Variants in MAP3K20 observed in about 807,000 individuals in gnomAD.
MAP3K20 encodes HCCS-4.
Under a neutral mutation model 85.7 loss-of-function variants are expected in MAP3K20, and 40 were observed. The ratio of observed to expected loss-of-function variants is 0.47; its 90% CI spans 0.36 to 0.61. The LOEUF is 0.61. Ranked by LOEUF, MAP3K20 falls within the 20% of genes least tolerant of loss-of-function variation. The probability of loss-of-function intolerance (pLI) is 0.00; values close to 1 mark genes in which losing one functional copy is unlikely to be tolerated. For synonymous variants in MAP3K20, 325 were observed against 327.7 expected (o/e 0.99, Z 0.09); for missense variants, 817 against 961.7 (o/e 0.85, Z 1.99).
chr2:173,105,953 A>T (rs867297164), intron 2 of MAP3K20, among the ~76,000 whole-genome samples: 12 of 152,258 alleles, frequency 7.9e-5, no homozygotes, highest in African/African-American at 2.9e-4. Context: ...TTCTATTTAT[A>T]GAAAAATGAA....
chr2:173,260,366 T>G (rs1685260129), intron 17 of MAP3K20, among the ~76,000 whole-genome samples: 1 of 152,164 alleles, frequency 6.6e-6, no homozygotes, highest in Admixed American at 6.6e-5. Context: ...AGACTCAGTC[T>G]CAAAGAAAAC....
chr2:173,215,906 T>C (rs1377078682), intron 10 of MAP3K20: 2 of 152,192 alleles, frequency 1.3e-5, no homozygotes, highest in South Asian at 2.1e-4. Context: ...CTACCTTCCA[T>C]AGTCAACGTC....
intron 2 of MAP3K20, among the ~76,000 whole-genome samples, chr2:173,110,398 C>T (rs1266449527): frequency 6.7e-6 from 1 of 149,762 alleles, no homozygotes; most frequent in Non-Finnish European, 1.5e-5. Flanking sequence ...GGACTATAGG[C>T]ACATGCCACC....
chr2:173,216,408 C>T (rs1325839102), intron 10 of MAP3K20, among the ~76,000 whole-genome samples: 1 of 152,052 alleles, frequency 6.6e-6, no homozygotes, highest in African/African-American at 2.4e-5. Context: ...TTACTCGGGT[C>T]TTTTATAAAA....
chr2:173,083,621 C>T (rs1021883204), intron 1 of MAP3K20, among the ~76,000 whole-genome samples: 1 of 152,170 alleles, frequency 6.6e-6, no homozygotes, highest in Admixed American at 6.5e-5. Context: ...GACAAATACA[C>T]TGAACCAGAG....
chr2:173,169,712 C>A (rs374695537), intron 2 of MAP3K20, 93 bp from the exon 3 acceptor site: 1 of 1,276,654 alleles, frequency 7.8e-7, no homozygotes, highest in South Asian at 1.3e-5. Context: ...ACAGCAAGAC[C>A]CTAACTCAAA....
intron 16 of MAP3K20, among the ~76,000 whole-genome samples, chr2:173,251,707 T>G (rs900404998): frequency 6.6e-6 from 1 of 152,240 alleles, no homozygotes; most frequent in African/African-American, 2.4e-5. Context: ...TTGCTTATTC[T>G]GGTGGTTACA....
intron 2 of MAP3K20, among the ~76,000 whole-genome samples, chr2:173,116,423 T>G (rs114964577): frequency 0.063 from 9,538 of 152,298 alleles, 410 homozygotes; most frequent in Middle Eastern, 0.13. Flanking sequence ...TCTCCCTGCA[T>G]TCCCTAAAGC....
chr2:173,265,480 C>G (rs1316422440), intron 19 of MAP3K20, among the ~76,000 whole-genome samples: 1 of 152,208 alleles, frequency 6.6e-6, no homozygotes, highest in Non-Finnish European at 1.5e-5. Flanking sequence ...CCTGTGGACA[C>G]GTGAACGGTC....
intron 16 of MAP3K20, among the ~76,000 whole-genome samples, chr2:173,242,172 A>C (rs1461688254): frequency 6.8e-6 from 1 of 146,772 alleles, no homozygotes; most frequent in East Asian, 2.6e-4. Flanking sequence ...AACCAAGAAA[A>C]AAAAATTTTT....
chr2:173,216,973 A>G lies in MAP3K20; in HGVS notation c.852-142A>G. 4 of 788,494 alleles carry G rather than the reference A, an allele frequency of 5.1e-6. No individual in the cohort carries two copies. In the South Asian group the frequency reaches 2.3e-4, roughly 45 times the overall value. The allele number at this position is 788,494 out of a possible 1,614,324, so 48.8% of individuals were successfully genotyped here. ...CCCTTGATATTTAAGGACATGAAAGATTCCTTCTCCTCCGGCAGTTACCTG... is the reference window on the plus strand; with the variant it reads ...CCCTTGATATTTAAGGACATGAAAGGTTCCTTCTCCTCCGGCAGTTACCTG... On this transcript the variant is annotated intron_variant, in intron 10 of 19. Transcript: ENST00000375213.
chr2:173,196,489 C>T (rs1690845126), intron 7 of MAP3K20, among the ~76,000 whole-genome samples: 1 of 152,180 alleles, frequency 6.6e-6, no homozygotes, highest in Non-Finnish European at 1.5e-5. Flanking sequence ...AAAGGAGTAC[C>T]TTACACACTT....
chr2:173,216,133 GAA>G (rs993342942), intron 10 of MAP3K20, among the ~76,000 whole-genome samples: 13 of 152,112 alleles, frequency 8.5e-5, no homozygotes, highest in African/African-American at 3.1e-4. Flanking sequence ...AAACTCAAGG[GAA>G]AGAGCTTCCA....
At chr2:173,229,555 C>T (rs1684471404) in intron 11 of MAP3K20, 134 bp from the exon 12 acceptor site, 1 of 1,083,682 alleles carries the variant, frequency 9.2e-7, no homozygotes, top group Non-Finnish European at 1.3e-6. Context: ...AACTGTTTTC[C>T]ATTCAACCCA....
intron 14 of MAP3K20, 24 bp downstream of exon 14, chr2:173,232,483 C>G: frequency 6.2e-7 from 1 of 1,606,616 alleles, no homozygotes; most frequent in Non-Finnish European, 8.5e-7. Context: ...GGACAACATT[C>G]CATCAGCAAA....
intron 2 of MAP3K20, among the ~76,000 whole-genome samples, chr2:173,143,319 A>G (rs1689031837): frequency 6.6e-6 from 1 of 152,226 alleles, no homozygotes; most frequent in Non-Finnish European, 1.5e-5. Flanking sequence ...ATTTATCCTA[A>G]TAACAGAGCT....
At chr2:173,210,701 T>A (rs569108510) in intron 10 of MAP3K20, 1 of 151,478 alleles carries the variant, frequency 6.6e-6, no homozygotes, top group Non-Finnish European at 1.5e-5. Context: ...GCTGACATTA[T>A]TCCCCCCCTG....
At chr2:173,146,234 T>TG (rs1479445594) in intron 2 of MAP3K20, among the ~76,000 whole-genome samples, 2 of 150,142 alleles carry the variant, frequency 1.3e-5, no homozygotes, top group Non-Finnish European at 3.0e-5. Context: ...TTTTTGTTGT[T>TG]TTTTTTTTTA....
In MAP3K20 at chr2:173,266,742, A is replaced by C; in HGVS notation, c.2395A>C (p.Asn799His). The C allele has an allele frequency of 1.3e-6, 2 of 1,487,116 alleles. No homozygotes were observed. The highest frequency in any genetic ancestry group is 1.8e-6 in the Non-Finnish European group (2 of 1,117,614). The allele number at this position is 1,487,116 out of a possible 1,614,324, so 92.1% of individuals were successfully genotyped here. A position where few individuals can be genotyped will look rare whatever the true frequency, so the allele number is the denominator to read the frequency against. Residue 799 changes from asparagine (N) to histidine (H), a missense_variant, in exon 20 of 20, where the codon AAC (asparagine) becomes CAC (histidine). By Grantham distance (68) the Asn-to-His change is moderately conservative (BLOSUM62 1). Coordinates refer to ENST00000375213, the MANE Select transcript of MAP3K20 (RefSeq NM_016653.3). ...CAGAGGGGACCACCGTGGATGGAGA[A>C]ACTTTTGATGAATTGAACTACATAG... is the stretch of plus-strand genomic sequence containing the variant. ...RARGDHRGWR[N>H]F is the part of the protein sequence containing the mutation.
Sources: gnomAD v4.1 joint callset for allele counts (sites outside exome capture counted in the v4.1 genomes callset) on GRCh38, gnomAD v4.1.1 for gene constraint, MANE v1.5 for transcripts, NCBI Gene and HGNC (gene_info 2026-07-23, HGNC 2026-07-21) for gene names.